Variants in WNT5A observed in about 807,000 individuals in gnomAD.
The protein encoded by WNT5A is Wnt family member 5A, also known as protein Wnt-5a.
WNT5A carries 9 observed loss-of-function variants against 42.1 expected under a neutral mutation model. The observed-to-expected ratio is 0.21, with a 90% CI of 0.13 to 0.37. WNT5A has a LOEUF of 0.37. WNT5A is among the 10% of genes least tolerant of loss of function. The pLI is 1.00. For synonymous variants in WNT5A, 210 were observed against 210.0 expected, an observed-to-expected ratio of 1.00 and a Z score of 0.00; for missense variants, 426 against 534.0, an observed-to-expected ratio of 0.80 and a Z score of 1.99.
upstream of WNT5A, among the ~76,000 whole-genome samples, chr3:55,491,707 T>C (rs975303171): frequency 1.7e-4 from 26 of 152,182 alleles, no homozygotes; most frequent in Non-Finnish European, 1.6e-4. Flanking sequence ...CGGTTTTCTC[T>C]CCAGTCACTA....
At position 55,468,467 on chromosome 3, in the gene WNT5A, C is replaced by G. The variant is rs1411666630; in HGVS notation, c.*1625G>C. The G allele has an allele frequency of 6.6e-6, 1 of 152,096 alleles. No homozygotes were observed. Among genetic ancestry groups the G allele is most frequent in the Non-Finnish European group, 1.5e-5 (1 of 68,038 alleles). The allele number at this position is 152,096 out of a possible 1,614,324, so 9.4% of individuals were successfully genotyped here. A position where few individuals can be genotyped will look rare whatever the true frequency, so the allele number is the denominator to read the frequency against. On this transcript the variant is annotated 3_prime_UTR_variant, in exon 5 of 5. Coordinates refer to ENST00000264634, the MANE Select transcript of WNT5A (RefSeq NM_003392.7). ...TCAGAAACAAGGTTGCTTCGTCGTG[C>G]TCAAGGTATGATCACAGCAGGGCCA...
chr3:55,500,224 G>C, the WNT5A span, among the ~76,000 whole-genome samples: 1 of 152,070 alleles, frequency 6.6e-6, no homozygotes, highest in Non-Finnish European at 1.5e-5. Context: ...GATTGCACCT[G>C]GAAAATCAAG....
At chr3:55,473,483 A>T (rs951182424) in intron 4 of WNT5A, among the ~76,000 whole-genome samples, 1 of 152,252 alleles carries the variant, frequency 6.6e-6, no homozygotes, top group African/African-American at 2.4e-5. Flanking sequence ...GGGTCTTTTT[A>T]ACTATTGAGA....
At chr3:55,504,540 C>A in the WNT5A span, among the ~76,000 whole-genome samples, 1 of 151,870 alleles carries the variant, frequency 6.6e-6, no homozygotes, top group Non-Finnish European at 1.5e-5. Context: ...ATCGGCTCAC[C>A]GCAACCTCTG....
the WNT5A span, among the ~76,000 whole-genome samples, chr3:55,499,227 G>A: frequency 6.6e-6 from 1 of 152,230 alleles, no homozygotes; most frequent in African/African-American, 2.4e-5. Context: ...TCTTGAGGCA[G>A]AATATCTTGT....
intron 1 of WNT5A, among the ~76,000 whole-genome samples, chr3:55,481,945 G>T (rs1472291988): frequency 1.3e-5 from 2 of 152,230 alleles, no homozygotes; most frequent in African/African-American, 4.8e-5. Flanking sequence ...GAGATGGGAG[G>T]CCCAGAGAGA....
At chr3:55,502,601 T>C in the WNT5A span, among the ~76,000 whole-genome samples, 30 of 152,308 alleles carry the variant, frequency 2.0e-4, no homozygotes, top group African/African-American at 7.0e-4. Context: ...TTTCCAAAAG[T>C]CCTAGTAGGT....
At position 55,479,363 on chromosome 3, in the gene WNT5A, G is replaced by A; in HGVS notation, c.342C>T (p.Asn114=). The part of the protein sequence containing the change: ...CQYQFRHRRW[N]CSTVDNTSVF... ...CAGAGGTGTTATCCACAGTGCTGCA[G>A]TTCCACCTTCGATGTCGGAATTGAT... The change falls in exon 3 of 5, where the codon AAC becomes AAT. Residue 114 remains asparagine, a synonymous_variant. Coordinates refer to ENST00000264634, the MANE Select transcript of WNT5A (RefSeq NM_003392.7). 1 of 1,613,462 alleles carries A rather than the reference G, an allele frequency of 6.2e-7. No individual in the cohort carries two copies. The highest frequency in any genetic ancestry group is 8.5e-7 in the Non-Finnish European group (1 of 1,179,516).
rs369702707 is a variant in WNT5A at position 55,477,021 on chromosome 3, G to T, written c.391+2293C>A. ...GGCAACTGGCATCTTAGAAAAATGA[G>T]TTGAGGAGGGGGTCAGAGGTGGCGG... On this transcript the variant is annotated intron_variant, in intron 3 of 4. Transcript: ENST00000264634. Among the ~76,000 whole-genome samples, 36 of 152,310 alleles carry T rather than the reference G, an allele frequency of 2.4e-4. No homozygotes were observed. The Middle Eastern group carries it at 0.01, about 43-fold the overall frequency.
chr3:55,483,019 A>G lies in WNT5A; in HGVS notation c.7-2101T>C, dbSNP rs815540. Among the ~76,000 whole-genome samples, 79,457 of 152,172 alleles carry G rather than the reference A, an allele frequency of 0.52. 21,245 individuals carry two copies. The highest frequency in any genetic ancestry group is 0.63 in the African/African-American group (25,965 of 41,520). On this transcript the variant is annotated intron_variant, in intron 1 of 4. Transcript: ENST00000264634. This position sits in a 1 kb window ranked among gnomAD's most constrained non-coding sequence, Gnocchi z 4.2. Reference sequence around the variant, plus strand: ...CGTGCACTTTCCAAGCTTCGCGGCGAGCGGGGCGCGTGGGGCGGGGCTCAA... The same window carrying G: ...CGTGCACTTTCCAAGCTTCGCGGCGGGCGGGGCGCGTGGGGCGGGGCTCAA...
At chr3:55,493,582 C>T (rs2051684993), upstream of WNT5A, among the ~76,000 whole-genome samples, 1 of 152,136 alleles carries the variant, frequency 6.6e-6, no homozygotes, top group African/African-American at 2.4e-5. Context: ...ACCTGGTTGG[C>T]CTTGTTCATA....
chr3:55,490,561 A>G (rs1218147895), upstream of WNT5A: 1 of 152,388 alleles, frequency 6.6e-6, no homozygotes, highest in Non-Finnish European at 1.5e-5. Flanking sequence ...GCAGAAATGC[A>G]TTGAGAATGA....
At chr3:55,503,775 A>T in the WNT5A span, among the ~76,000 whole-genome samples, 4 of 152,056 alleles carry the variant, frequency 2.6e-5, no homozygotes, top group Non-Finnish European at 5.9e-5. Context: ...ATATAGTGAG[A>T]CCTCAACTCC....
intron 4 of WNT5A, among the ~76,000 whole-genome samples, chr3:55,472,110 C>CA (rs910552046): frequency 2.6e-5 from 4 of 151,760 alleles, no homozygotes; most frequent in Admixed American, 6.6e-5. Context: ...CATCCCAGAG[C>CA]AAAAAAAACT....
Position 55,483,183 on chromosome 3 carries a change from G to C in WNT5A, c.7-2265C>G, listed in dbSNP as rs935457247. ...AGTTCCCAGAGCCCAGGCCAACTGA[G>C]AGCGGGCCCATCCGGTCACCAAGAC... On this transcript the variant is annotated intron_variant, in intron 1 of 4. Coordinates refer to ENST00000264634, the MANE Select transcript of WNT5A (RefSeq NM_003392.7). This position sits in a 1 kb window ranked among gnomAD's most constrained non-coding sequence, Gnocchi z 4.2. Among the ~76,000 whole-genome samples the C allele has an allele frequency of 6.6e-6, 1 of 152,192 alleles. No individual in the cohort carries two copies. Among genetic ancestry groups the C allele is most frequent in the African/African-American group, 2.4e-5 (1 of 41,448 alleles).
rs57562141 is a variant in WNT5A at position 55,476,014 on chromosome 3, G to A, written c.392-1385C>T. Reference sequence around the variant, plus strand: ...CATGCAAGGAAAGGGGCCTCTTCTGGTGCTGAAATTCATGTACCGCAATCA... The same window carrying A: ...CATGCAAGGAAAGGGGCCTCTTCTGATGCTGAAATTCATGTACCGCAATCA... On this transcript the variant is annotated intron_variant, in intron 3 of 4. Transcript: ENST00000264634. Among the ~76,000 whole-genome samples, 872 of 152,256 alleles carry A rather than the reference G, an allele frequency of 5.7e-3. 5 individuals are homozygous for A. The highest frequency in any genetic ancestry group is 0.02 in the African/African-American group (831 of 41,538).
At chr3:55,501,119 A>G in the WNT5A span, among the ~76,000 whole-genome samples, 1 of 152,236 alleles carries the variant, frequency 6.6e-6, no homozygotes, top group African/African-American at 2.4e-5. Flanking sequence ...ATGGTGAGCC[A>G]GAGACAGGCC....
intron 1 of WNT5A, among the ~76,000 whole-genome samples, chr3:55,484,064 G>C (rs1025611351): frequency 6.6e-6 from 1 of 152,102 alleles, no homozygotes; most frequent in Non-Finnish European, 1.5e-5. Flanking sequence ...GACTCTCTAC[G>C]TTTAGGCCCC....
rs2051172753 is a variant in WNT5A at position 55,467,923 on chromosome 3, T to G, written c.*2169A>C. ...GACATTTTAAACTAATTAGTGCTTT[T>G]TGCTTTCAAGATCTTTTGCTCACAA... On this transcript the variant is annotated 3_prime_UTR_variant, in exon 5 of 5. Coordinates refer to ENST00000264634, the MANE Select transcript of WNT5A (RefSeq NM_003392.7). 1 of 152,172 alleles carries G rather than the reference T, an allele frequency of 6.6e-6. No homozygotes were observed. Among genetic ancestry groups the G allele is most frequent in the African/African-American group, 2.4e-5 (1 of 41,450 alleles). 9.4% of individuals were successfully genotyped at this position (152,172 alleles called of 1,614,324 possible).
Sources: allele counts gnomAD v4.1 joint callset (sites outside exome capture counted in the v4.1 genomes callset), GRCh38; gene constraint gnomAD v4.1.1; non-coding constraint Gnocchi (gnomAD v3.1); transcripts MANE v1.5; gene names NCBI Gene and HGNC (gene_info 2026-07-23, HGNC 2026-07-21).